SOS1: variants seen among roughly 807,000 people sequenced by gnomAD.
SOS1 encodes the protein SOS Ras/Rac guanine nucleotide exchange factor 1, also known as son of sevenless homolog 1.
In SOS1, 25 loss-of-function variants were observed where a neutral mutation model predicts 157.6. The observed-to-expected ratio is 0.16, with a 90% CI of 0.12 to 0.22. The LOEUF (loss-of-function observed/expected upper bound fraction) is 0.22, where lower values mean the gene tolerates loss of function less well. SOS1 is among the 10% of genes least tolerant of loss of function. The pLI, the probability that SOS1 is intolerant of heterozygous loss-of-function variation, is 1.00. For synonymous variants in SOS1, 528 were observed against 534.0 expected (o/e 0.99, Z 0.16); for missense variants, 1,237 against 1,599.1 (o/e 0.77, Z 3.86).
At chr2:39,004,008 G>A (rs1317733213) in intron 17 of SOS1, among the ~76,000 whole-genome samples, 1 of 152,052 alleles carries the variant, frequency 6.6e-6, no homozygotes, top group East Asian at 1.9e-4. Context: ...ATTGCTAAAT[G>A]CTCCCTAGGG....
At chr2:39,017,470 C>T (rs1038284291) in intron 10 of SOS1, among the ~76,000 whole-genome samples, 1 of 151,986 alleles carries the variant, frequency 6.6e-6, no homozygotes, top group African/African-American at 2.4e-5. Context: ...AACAGCTGTA[C>T]CTTCCTGTAT....
At chr2:39,021,543 A>T (rs1392989230) in intron 10 of SOS1, among the ~76,000 whole-genome samples, 7 of 137,464 alleles carry the variant, frequency 5.1e-5, no homozygotes, top group African/African-American at 2.4e-4. Flanking sequence ...AAAAAAAAAA[A>T]AAAATTAAAA....
At chr2:39,000,468 A>T (rs1243098705) in intron 17 of SOS1, among the ~76,000 whole-genome samples, 1 of 152,122 alleles carries the variant, frequency 6.6e-6, no homozygotes, top group Admixed American at 6.6e-5. Flanking sequence ...AAGTCTAGTT[A>T]CTCCTGTACT....
chr2:39,045,273 A>AGAGTGT (rs138343013), intron 6 of SOS1, among the ~76,000 whole-genome samples: 1,797 of 108,080 alleles, frequency 0.017, 26 homozygotes, highest in East Asian at 0.028. Flanking sequence ...AGAGAGAGAG[A>AGAGTGT]GTGTGTGTGT....
At position 39,010,929 on chromosome 2, in the gene SOS1, CTT is replaced by C. The variant is rs575839414; in HGVS notation, c.2391-228_2391-227del. Among the ~76,000 whole-genome samples, 307 of 143,184 alleles carry C rather than the reference CTT, an allele frequency of 2.1e-3. 3 individuals carry two copies. The highest frequency in any genetic ancestry group is 7.8e-3 in the African/African-American group (295 of 37,956). 93.9% of individuals were successfully genotyped at this position (143,184 alleles called of 152,430 possible). A position where few individuals can be genotyped will look rare whatever the true frequency, so the allele number is the denominator to read the frequency against. ...TTTTTTTTTGAGATGGAGTTCCACT[CTT>C]GTTGTGCAGGCTGGAGTACAATGGC... is the stretch of plus-strand genomic sequence containing the variant. On this transcript the variant is annotated intron_variant, in intron 14 of 22. Transcript: ENST00000402219.
chr2:39,090,582 GCT>G (rs1558508839), intron 1 of SOS1, among the ~76,000 whole-genome samples: 1 of 152,052 alleles, frequency 6.6e-6, no homozygotes, highest in Non-Finnish European at 1.5e-5. Context: ...TGTAATCCCA[GCT>G]ACTAGACAGG....
intron 1 of SOS1, among the ~76,000 whole-genome samples, chr2:39,078,185 T>C (rs576663647): frequency 6.2e-4 from 94 of 152,216 alleles, no homozygotes; most frequent in African/African-American, 2.2e-3. Context: ...TCAATCTCAA[T>C]CTCAATCTCA....
intron 2 of SOS1, among the ~76,000 whole-genome samples, chr2:39,063,140 A>C (rs1323067199): frequency 6.6e-6 from 1 of 151,792 alleles, no homozygotes; most frequent in Non-Finnish European, 1.5e-5. Flanking sequence ...TTTTTTTTTA[A>C]GAGTTAGGGT....
chr2:39,024,102 C>T lies in SOS1; in HGVS notation c.1110G>A (p.Lys370=). 6.2e-7 allele frequency: 1 copy of T among 1,609,840 alleles called. No homozygotes were observed. Among genetic ancestry groups the T allele is most frequent in the Non-Finnish European group, 8.5e-7 (1 of 1,176,420 alleles). The change falls in exon 9 of 23, where the codon AAG becomes AAA. Residue 370 remains lysine, a synonymous_variant. Coordinates refer to ENST00000402219, the MANE Select transcript of SOS1 (RefSeq NM_005633.4). ...LEEKSEDQED[K]ECLKQAITAL... is the part of the protein sequence containing the mutation. ...CTGTTATTGCTTGTTTTAAACATTCCTTGTCTTCTTGATCTTCACTTTTTT... is the reference window on the plus strand; with the variant it reads ...CTGTTATTGCTTGTTTTAAACATTCTTTGTCTTCTTGATCTTCACTTTTTT...
chr2:39,057,028 T>C (rs1303942705), intron 3 of SOS1, among the ~76,000 whole-genome samples, 162 bp from the exon 4 acceptor site: 1 of 152,192 alleles, frequency 6.6e-6, no homozygotes, highest in Non-Finnish European at 1.5e-5. Context: ...ATGAATAATA[T>C]ATGTATTACT....
In SOS1 at chr2:39,010,820, C is replaced by G. The variant is rs1669440543; in HGVS notation, c.2391-117G>C. The G allele has an allele frequency of 3.8e-6, 3 of 779,286 alleles. No individual in the cohort carries two copies. The South Asian group carries it at 4.7e-5, about 12-fold the overall frequency. 48.3% of individuals were successfully genotyped at this position (779,286 alleles called of 1,614,324 possible). ...TCTCATATGAACTTTCCTCTTATAC[C>G]AACAGAAAGGTCTGTGAAAACAAGG... On this transcript the variant is annotated intron_variant, in intron 14 of 22. Transcript: ENST00000402219.
chr2:39,020,996 T>C (rs1243663863), intron 10 of SOS1, among the ~76,000 whole-genome samples: 1 of 151,762 alleles, frequency 6.6e-6, no homozygotes, highest in African/African-American at 2.4e-5. Flanking sequence ...AATAATCTCA[T>C]CAACTTAAAT....
chr2:39,091,620 A>C (rs971664209), intron 1 of SOS1, among the ~76,000 whole-genome samples: 15 of 151,464 alleles, frequency 9.9e-5, no homozygotes, highest in African/African-American at 3.4e-4. Context: ...CCTTGTCCTC[A>C]CATCCCCCAG....
intron 6 of SOS1, among the ~76,000 whole-genome samples, chr2:39,046,549 G>A (rs1558487102): frequency 7.0e-6 from 1 of 143,826 alleles, no homozygotes; most frequent in Non-Finnish European, 1.5e-5. Context: ...CTGTCGCCCA[G>A]GCTGGAGTGC....
chr2:39,003,263 G>C (rs572653247), intron 17 of SOS1, among the ~76,000 whole-genome samples: 2 of 152,250 alleles, frequency 1.3e-5, no homozygotes, highest in African/African-American at 4.8e-5. Flanking sequence ...AAAAAAGTTT[G>C]TAGATATAAA....
At position 39,120,498 on chromosome 2, in the gene SOS1, G is replaced by A. The variant is rs1673834332; in HGVS notation, c.-76C>T. 2.0e-5 allele frequency: 27 copies of A among 1,372,116 alleles called. 1 individual carries two copies. In the South Asian group the frequency reaches 4.1e-4, roughly 21 times the overall value. The allele number at this position is 1,372,116 out of a possible 1,614,324, so 85.0% of individuals were successfully genotyped here. ...CAGGGAGCCGCGAGAGGGCGAGCTCGCAGCGCGGAACAGGGCCGCGGCCCC... is the reference window on the plus strand; with the variant it reads ...CAGGGAGCCGCGAGAGGGCGAGCTCACAGCGCGGAACAGGGCCGCGGCCCC... On this transcript the variant is annotated 5_prime_UTR_variant, in exon 1 of 23. Transcript: ENST00000402219.
intron 1 of SOS1, among the ~76,000 whole-genome samples, chr2:39,087,972 C>T (rs1356566944): frequency 6.6e-6 from 1 of 150,916 alleles, no homozygotes; most frequent in African/African-American, 2.4e-5. Flanking sequence ...TGCACCCAGC[C>T]GAAAGTGCTT....
chr2:39,065,177 G>C (rs541269112), intron 2 of SOS1, among the ~76,000 whole-genome samples: 1 of 152,150 alleles, frequency 6.6e-6, no homozygotes, highest in Admixed American at 6.6e-5. Flanking sequence ...AGAAAGCTTT[G>C]TAAGTGTATT....
At chr2:39,097,936 C>G (rs1368307444) in intron 1 of SOS1, among the ~76,000 whole-genome samples, 1 of 152,082 alleles carries the variant, frequency 6.6e-6, no homozygotes, top group Non-Finnish European at 1.5e-5. Flanking sequence ...TCTATATAAG[C>G]TTTAAATTAA....
Sources: allele counts gnomAD v4.1 joint callset (sites outside exome capture counted in the v4.1 genomes callset), GRCh38; gene constraint gnomAD v4.1.1; transcripts MANE v1.5; gene names NCBI Gene and HGNC (gene_info 2026-07-23, HGNC 2026-07-21).